Variants in ACSBG1 observed in about 807,000 individuals in gnomAD.
The protein encoded by ACSBG1 is acyl-CoA synthetase bubblegum family member 1.
Under a neutral mutation model 80.2 loss-of-function variants are expected in ACSBG1, and 39 were observed. That is an observed-to-expected ratio of 0.49 (90% CI 0.38 to 0.64). ACSBG1 has a LOEUF of 0.64. ACSBG1 is among the 30% of genes least tolerant of loss of function. The probability of loss-of-function intolerance (pLI) is 0.00; values close to 1 mark genes in which losing one functional copy is unlikely to be tolerated. For synonymous variants in ACSBG1, 392 were observed against 379.5 expected (o/e 1.03, Z -0.38); for missense variants, 828 against 966.4 (o/e 0.86, Z 1.90).
At position 78,194,020 on chromosome 15, in the gene ACSBG1, G is replaced by A; in HGVS notation, c.454C>T (p.Leu152Phe). The A allele has an allele frequency of 6.2e-7, 1 of 1,613,936 alleles. No homozygotes were observed. Among genetic ancestry groups the A allele is most frequent in the Non-Finnish European group, 8.5e-7 (1 of 1,179,984 alleles). Residue 152 changes from leucine (L) to phenylalanine (F), a missense_variant and splice_region_variant, in exon 4 of 14, where the codon CTC becomes TTC. Physicochemically the swap from Leu to Phe is conservative, Grantham distance 22. Coordinates refer to ENST00000258873, the MANE Select transcript of ACSBG1 (RefSeq NM_015162.5). ...ARRAAKGFLK[L>F]GLKQAHSVAI... ...ACACTGTGGGCCTGCTTCAGGCCGA[G>A]CTCCAGGTCAAAGGCAGACAGGCCA...
At chr15:78,176,674 C>T (rs905402371) in intron 11 of ACSBG1, among the ~76,000 whole-genome samples, 1 of 152,148 alleles carries the variant, frequency 6.6e-6, no homozygotes, top group African/African-American at 2.4e-5. Flanking sequence ...CCTATAATCC[C>T]AGCACTTTAG....
chr15:78,227,421 G>A (rs530544865), intron 1 of ACSBG1, among the ~76,000 whole-genome samples: 1 of 151,960 alleles, frequency 6.6e-6, no homozygotes, highest in East Asian at 1.9e-4. Flanking sequence ...TACAAAAGAA[G>A]ACATGGAAAT....
intron 2 of ACSBG1, among the ~76,000 whole-genome samples, chr15:78,204,190 G>A (rs1372434364): frequency 1.3e-5 from 2 of 152,202 alleles, no homozygotes; most frequent in African/African-American, 2.4e-5. Context: ...TTCCCCATCT[G>A]AATTACAATT....
rs142111490 is a variant in ACSBG1, at chr15:78,231,383, G to A, written c.131+2988C>T. Among the ~76,000 whole-genome samples, 1,232 of 151,702 alleles carry A rather than the reference G, an allele frequency of 8.1e-3. 26 individuals carry two copies. Among genetic ancestry groups the A allele is most frequent in the South Asian group, 0.062 (297 of 4,796 alleles). On this transcript the variant is annotated intron_variant, in intron 1 of 13. Transcript: ENST00000258873. Reference sequence around the variant, plus strand: ...TGACCTCAGGTGATCTGCCCACCTCGGCCTCCCAAAGTACGGGGATTACAG... The same window carrying A: ...TGACCTCAGGTGATCTGCCCACCTCAGCCTCCCAAAGTACGGGGATTACAG...
intron 5 of ACSBG1, among the ~76,000 whole-genome samples, chr15:78,189,581 CA>C (rs2075038534): frequency 6.6e-6 from 1 of 151,438 alleles, no homozygotes; most frequent in South Asian, 2.1e-4. Context: ...ACAAAAAAAC[CA>C]AACACCACAT....
chr15:78,182,129 C>A lies in ACSBG1; in HGVS notation c.911G>T (p.Arg304Leu). The A allele has an allele frequency of 1.2e-6, 2 of 1,610,528 alleles. No homozygotes were observed. The highest frequency in any genetic ancestry group is 1.7e-6 in the Non-Finnish European group (2 of 1,179,888). Residue 304 changes from arginine (R) to leucine (L), a missense_variant, in exon 8 of 14, where the codon CGG becomes CTG. By Grantham distance (102) the Arg-to-Leu change is moderately radical. Transcript: ENST00000258873. ...GATGTCACCGGCCTGGCTGCCGTAC[C>A]GTGCCGTCCACGTGATCTGGAGGAC... ...LSQDNITWTARYGSQAGDIRP... is the reference protein window; with the variant it reads ...LSQDNITWTALYGSQAGDIRP...
At chr15:78,221,167 G>A (rs1312207933) in intron 1 of ACSBG1, among the ~76,000 whole-genome samples, 1 of 152,114 alleles carries the variant, frequency 6.6e-6, no homozygotes. Context: ...GTGGGCCCAG[G>A]GGACCGGTAC....
intron 2 of ACSBG1, among the ~76,000 whole-genome samples, chr15:78,197,545 C>T (rs908441915): frequency 6.6e-6 from 1 of 151,654 alleles, no homozygotes; most frequent in Admixed American, 6.6e-5. Context: ...ATGGTGAAAC[C>T]CTGTCTCTAC....
Position 78,178,610 on chromosome 15 carries a change from T to C in ACSBG1, c.1702+4A>G. The C allele has an allele frequency of 6.2e-7, 1 of 1,604,638 alleles. No individual in the cohort carries two copies. Among genetic ancestry groups the C allele is most frequent in the Non-Finnish European group, 8.5e-7 (1 of 1,175,264 alleles). On this transcript the variant is annotated splice_donor_region_variant and intron_variant, in intron 11 of 13. Coordinates refer to ENST00000258873, the MANE Select transcript of ACSBG1 (RefSeq NM_015162.5). This position sits in a 1 kb window ranked among gnomAD's most constrained non-coding sequence, Gnocchi z 4.3. ...AGCCACCGTGCCTGGCCTGGGGTGCTCACCTTTGAGGCGCCCAGTGATGTA... is the reference window on the plus strand; with the variant it reads ...AGCCACCGTGCCTGGCCTGGGGTGCCCACCTTTGAGGCGCCCAGTGATGTA...
intron 1 of ACSBG1, among the ~76,000 whole-genome samples, chr15:78,211,685 C>T (rs980865635): frequency 3.3e-5 from 5 of 152,094 alleles, no homozygotes; most frequent in Non-Finnish European, 7.4e-5. Context: ...AGCCTGGGAG[C>T]GTCTGCACTG....
intron 2 of ACSBG1, 66 bp downstream of exon 2, chr15:78,207,936 C>CA: frequency 1.1e-6 from 1 of 909,702 alleles, no homozygotes; most frequent in East Asian, 3.2e-5. Context: ...CCACCCACCC[C>CA]TCCAGCACAC....
intron 9 of ACSBG1, among the ~76,000 whole-genome samples, chr15:78,180,341 T>G (rs1371415551): frequency 6.6e-6 from 1 of 152,116 alleles, no homozygotes; most frequent in Admixed American, 6.5e-5. Flanking sequence ...TGTGGGAATT[T>G]TGAAAGCTAT....
At chr15:78,217,510 T>G (rs1322156719) in intron 1 of ACSBG1, among the ~76,000 whole-genome samples, 1 of 152,052 alleles carries the variant, frequency 6.6e-6, no homozygotes, top group Non-Finnish European at 1.5e-5. Flanking sequence ...AGTGAGGCAC[T>G]TCAGGGTCCT....
chr15:78,182,402 C>T, intron 7 of ACSBG1, 64 bp downstream of exon 7: 1 of 1,589,070 alleles, frequency 6.3e-7, no homozygotes, highest in South Asian at 1.1e-5. Context: ...TGGGGCAGAG[C>T]CATGGCCCAG....
chr15:78,221,967 C>A (rs542516704), intron 1 of ACSBG1, among the ~76,000 whole-genome samples: 1 of 152,294 alleles, frequency 6.6e-6, no homozygotes, highest in East Asian at 1.9e-4. Flanking sequence ...TTGTACAGAT[C>A]AAAATGGAGT....
intron 1 of ACSBG1, among the ~76,000 whole-genome samples, chr15:78,230,836 T>C (rs1167534617): frequency 6.6e-6 from 1 of 152,208 alleles, no homozygotes; most frequent in East Asian, 1.9e-4. Flanking sequence ...TTTTGTAAAC[T>C]TCCCCGTCTC....
intron 2 of ACSBG1, among the ~76,000 whole-genome samples, chr15:78,204,457 C>G (rs1485238059): frequency 6.6e-6 from 1 of 152,178 alleles, no homozygotes; most frequent in Non-Finnish European, 1.5e-5. Context: ...CTGGCCTGCC[C>G]CAGACCTGCC....
chr15:78,203,916 C>T (rs2075190461), intron 2 of ACSBG1, among the ~76,000 whole-genome samples: 1 of 152,210 alleles, frequency 6.6e-6, no homozygotes, highest in South Asian at 2.1e-4. Context: ...AGGAGGGCCC[C>T]TCTCTCCAAC....
At chr15:78,215,956 T>G (rs2075309200) in intron 1 of ACSBG1, among the ~76,000 whole-genome samples, 1 of 152,156 alleles carries the variant, frequency 6.6e-6, no homozygotes. Flanking sequence ...CTATGACACT[T>G]TTCAAAGCTC....
Sources: allele counts gnomAD v4.1 joint callset (sites outside exome capture counted in the v4.1 genomes callset), GRCh38; gene constraint gnomAD v4.1.1; non-coding constraint Gnocchi (gnomAD v3.1); transcripts MANE v1.5; gene names NCBI Gene and HGNC (gene_info 2026-07-23, HGNC 2026-07-21).